Variants in LRBA observed in about 807,000 individuals in gnomAD.
LRBA encodes lipopolysaccharide-responsive and beige-like anchor protein.
A neutral mutation model predicts 330.0 loss-of-function variants in LRBA; 176 were observed. The observed-to-expected ratio is 0.53, with a 90% confidence interval of 0.47 to 0.60. LRBA has a LOEUF of 0.60. Among genes scored for constraint, LRBA ranks in the 20% least tolerant of loss-of-function variants. LRBA has a pLI of 0.00. For synonymous variants in LRBA, 1,230 were observed against 1,193.0 expected, an observed-to-expected ratio of 1.03 and a Z score of -0.64; for missense variants, 3,259 against 3,444.8, an observed-to-expected ratio of 0.95 and a Z score of 1.35.
chr4:150,825,735 T>C (rs557709408), intron 30 of LRBA, among the ~76,000 whole-genome samples: 210 of 152,254 alleles, frequency 1.4e-3, no homozygotes, highest in African/African-American at 3.0e-3. Context: ...ATTATAAACC[T>C]TTGATAACAT....
At chr4:150,783,399 A>C (rs1738556066) in intron 34 of LRBA, among the ~76,000 whole-genome samples, 1 of 152,242 alleles carries the variant, frequency 6.6e-6, no homozygotes, top group Non-Finnish European at 1.5e-5. Context: ...AGTGCTCTCA[A>C]GTAAAGAAAT....
intron 9 of LRBA, among the ~76,000 whole-genome samples, chr4:150,909,383 T>C (rs1408743901): frequency 6.6e-6 from 1 of 152,200 alleles, no homozygotes; most frequent in Non-Finnish European, 1.5e-5. Flanking sequence ...GTATTTGTCT[T>C]TTTGTGACCC....
At chr4:150,432,216 T>TA (rs1165133605) in intron 46 of LRBA, among the ~76,000 whole-genome samples, 1 of 152,068 alleles carries the variant, frequency 6.6e-6, no homozygotes, top group Non-Finnish European at 1.5e-5. Flanking sequence ...TATACTATAT[T>TA]AATCAGGCAA....
intron 40 of LRBA, among the ~76,000 whole-genome samples, chr4:150,510,671 T>C (rs928578949): frequency 1.3e-5 from 2 of 152,098 alleles, no homozygotes; most frequent in Non-Finnish European, 2.9e-5. Context: ...GCCTTCTTAG[T>C]TTACACTGAG....
At chr4:150,829,458 T>C (rs1382252031) in intron 29 of LRBA, among the ~76,000 whole-genome samples, 1 of 152,198 alleles carries the variant, frequency 6.6e-6, no homozygotes, top group East Asian at 1.9e-4. Context: ...CCAAAAAATC[T>C]GCATCTTGCT....
At chr4:150,886,358 C>A (rs1728937789) in intron 17 of LRBA, among the ~76,000 whole-genome samples, 1 of 152,058 alleles carries the variant, frequency 6.6e-6, no homozygotes, top group Non-Finnish European at 1.5e-5. Flanking sequence ...GGGGAAGAAT[C>A]CTAAATAGCA....
In LRBA at chr4:150,900,834, A is replaced by G. The variant is rs1730639062; in HGVS notation, c.1756-617T>C. Among the ~76,000 whole-genome samples, 2 of 152,222 alleles carry G rather than the reference A, an allele frequency of 1.3e-5. 1 individual carries two copies. The highest frequency in any genetic ancestry group is 4.8e-5 in the African/African-American group (2 of 41,460). ...ATAACATTATAATCTCTCAACATGT[A>G]TATCATGTCCCCCAATTAGGAAAGG... On this transcript the variant is annotated intron_variant, in intron 13 of 56. Coordinates refer to ENST00000651943, the MANE Select transcript of LRBA (RefSeq NM_001364905.1).
chr4:150,813,120 T>C, intron 31 of LRBA, among the ~76,000 whole-genome samples: 1 of 145,854 alleles, frequency 6.9e-6, no homozygotes, highest in East Asian at 2.0e-4. Context: ...ATTGTGCCAC[T>C]GCACTCCAGC....
chr4:150,445,344 C>CCTCTCTCTCTCTCTCT (rs1317931739), intron 44 of LRBA, among the ~76,000 whole-genome samples: 43 of 59,170 alleles, frequency 7.3e-4, no homozygotes, highest in Non-Finnish European at 9.7e-4. Context: ...TTTCGGAAAA[C>CCTCTCTCTCTCTCTCT]CTCTCTCTCT....
At chr4:150,528,823 T>C (rs895654808) in intron 40 of LRBA, among the ~76,000 whole-genome samples, 1 of 152,110 alleles carries the variant, frequency 6.6e-6, no homozygotes, top group Non-Finnish European at 1.5e-5. Context: ...AAGATGCTTG[T>C]GAAATAACTG....
intron 34 of LRBA, among the ~76,000 whole-genome samples, chr4:150,796,742 C>T (rs1426482389): frequency 1.3e-5 from 2 of 151,870 alleles, no homozygotes; most frequent in Non-Finnish European, 2.9e-5. Context: ...TGTGAAAATT[C>T]ACCTATGAAA....
intron 4 of LRBA, among the ~76,000 whole-genome samples, chr4:150,925,854 A>G (rs1207716115): frequency 6.6e-6 from 1 of 152,232 alleles, no homozygotes; most frequent in East Asian, 1.9e-4. Flanking sequence ...TGGACACGAC[A>G]TATTAATAGG....
chr4:150,768,361 G>A (rs981530000), intron 34 of LRBA, among the ~76,000 whole-genome samples: 5 of 152,140 alleles, frequency 3.3e-5, no homozygotes, highest in Admixed American at 2.6e-4. Context: ...TACGAAGGTG[G>A]CTGAGGGAAA....
intron 36 of LRBA, among the ~76,000 whole-genome samples, chr4:150,730,492 G>T (rs1730290869): frequency 6.6e-6 from 1 of 151,912 alleles, no homozygotes; most frequent in Non-Finnish European, 1.5e-5. Context: ...GGACCAGCCT[G>T]GCCAACATGG....
intron 22 of LRBA, among the ~76,000 whole-genome samples, chr4:150,856,727 C>G (rs1751267409): frequency 6.6e-6 from 1 of 152,106 alleles, no homozygotes; most frequent in Non-Finnish European, 1.5e-5. Flanking sequence ...GACTTTAAAA[C>G]TGATAATTTC....
chr4:150,273,467 A>G (rs1178749915), intron 56 of LRBA, among the ~76,000 whole-genome samples: 3 of 152,216 alleles, frequency 2.0e-5, no homozygotes, highest in African/African-American at 7.2e-5. Flanking sequence ...TAACAATATT[A>G]ACTTTAAATG....
chr4:150,302,574 T>C (rs1315580705), intron 53 of LRBA, 51 bp downstream of exon 53: 1 of 1,324,536 alleles, frequency 7.5e-7, no homozygotes, highest in East Asian at 2.5e-5. Context: ...CTGCAAAATG[T>C]TATTCTCTAC....
chr4:150,892,180 A>G (rs1054965998), intron 17 of LRBA, among the ~76,000 whole-genome samples: 1 of 152,248 alleles, frequency 6.6e-6, no homozygotes, highest in Non-Finnish European at 1.5e-5. Flanking sequence ...ACTAGTTGCT[A>G]AACTTTTCTT....
chr4:150,421,291 A>G (rs1476738487), intron 46 of LRBA, among the ~76,000 whole-genome samples: 1 of 143,592 alleles, frequency 7.0e-6, no homozygotes, highest in Non-Finnish European at 1.5e-5. Context: ...ATATACTTAT[A>G]CATATATTAT....
Sources: gnomAD v4.1 joint callset for allele counts (sites outside exome capture counted in the v4.1 genomes callset) on GRCh38, gnomAD v4.1.1 for gene constraint, MANE v1.5 for transcripts, NCBI Gene and HGNC (gene_info 2026-07-23, HGNC 2026-07-21) for gene names.